Variants in PLEKHA5 observed in about 807,000 individuals in gnomAD.
PLEKHA5 encodes the protein pleckstrin homology domain containing A5.
Under a neutral mutation model 181.9 loss-of-function variants are expected in PLEKHA5, and 55 were observed. The observed-to-expected ratio is 0.30, with a 90% CI of 0.24 to 0.38. The LOEUF (loss-of-function observed/expected upper bound fraction) is 0.38. Among genes scored for constraint, PLEKHA5 ranks in the 10% least tolerant of loss-of-function variants. The pLI is 1.00. For synonymous variants in PLEKHA5, 535 were observed against 529.4 expected, an observed-to-expected ratio of 1.01 and a Z score of -0.15; for missense variants, 1,432 against 1,549.5, an observed-to-expected ratio of 0.92 and a Z score of 1.27.
intron 3 of PLEKHA5, among the ~76,000 whole-genome samples, chr12:19,251,150 A>T (rs2065161393): frequency 1.3e-5 from 2 of 152,114 alleles, no homozygotes; most frequent in Admixed American, 6.5e-5. Context: ...TCACAGTGTA[A>T]TCCCAGCACT....
intron 25 of PLEKHA5, 66 bp from the exon 26 acceptor site, chr12:19,353,818 A>T: frequency 1.3e-6 from 1 of 770,204 alleles, no homozygotes; most frequent in Non-Finnish European, 2.3e-6. Flanking sequence ...GAAATTAAGT[A>T]AGCTAAAAGA....
intron 3 of PLEKHA5, among the ~76,000 whole-genome samples, chr12:19,222,121 A>G (rs1396623454): frequency 6.6e-6 from 1 of 152,068 alleles, no homozygotes; most frequent in Admixed American, 6.6e-5. Flanking sequence ...ATGTGTGTGT[A>G]TGTATATATA....
chr12:19,132,773 CTTTTTTTTT>C (rs59992820), intron 3 of PLEKHA5, among the ~76,000 whole-genome samples: 2 of 112,124 alleles, frequency 1.8e-5, no homozygotes, highest in Admixed American at 1.1e-4. Flanking sequence ...CCACAATTAC[CTTTTTTTTT>C]TTTTTTTTTT....
intron 11 of PLEKHA5, among the ~76,000 whole-genome samples, chr12:19,279,157 A>G (rs968662779): frequency 1.3e-5 from 2 of 152,152 alleles, no homozygotes; most frequent in African/African-American, 2.4e-5. Context: ...CTAATTTTTA[A>G]TACCTTTTTA....
chr12:19,214,854 T>C (rs1051260700), intron 3 of PLEKHA5, among the ~76,000 whole-genome samples: 4 of 147,588 alleles, frequency 2.7e-5, no homozygotes, highest in Non-Finnish European at 4.5e-5. Context: ...CTGCCTTTCA[T>C]TTGAAAGCAG....
intron 15 of PLEKHA5, chr12:19,307,116 G>A (rs766859611): frequency 5.3e-5 from 48 of 905,952 alleles, no homozygotes; most frequent in Non-Finnish European, 8.0e-5. Context: ...TTGGTCCCAA[G>A]TTGAAGCATG....
At chr12:19,285,281 C>T (rs1380333805) in intron 12 of PLEKHA5, among the ~76,000 whole-genome samples, 8 of 152,180 alleles carry the variant, frequency 5.3e-5, no homozygotes, top group Non-Finnish European at 1.2e-4. Context: ...CTCTAAATTA[C>T]ATGCTCTCAT....
chr12:19,369,650 C>A, intron 30 of PLEKHA5, 43 bp from the exon 31 acceptor site: 1 of 1,252,260 alleles, frequency 8.0e-7, no homozygotes, highest in Non-Finnish European at 1.2e-6. Context: ...CCAAATGTGT[C>A]TTAAAGATTT....
At chr12:19,230,154 C>T (rs193241425) in intron 3 of PLEKHA5, among the ~76,000 whole-genome samples, 1 of 151,932 alleles carries the variant, frequency 6.6e-6, no homozygotes, top group East Asian at 1.9e-4. Context: ...CAGGTCCCCA[C>T]CAGATTAGCT....
At chr12:19,293,631 A>AGTT (rs1208371733) in intron 15 of PLEKHA5, among the ~76,000 whole-genome samples, 2 of 152,100 alleles carry the variant, frequency 1.3e-5, no homozygotes, top group Non-Finnish European at 2.9e-5. Context: ...ATGAATCTGA[A>AGTT]GTTACCCCAC....
chr12:19,230,031 C>T (rs550515584), intron 3 of PLEKHA5, among the ~76,000 whole-genome samples: 5 of 151,808 alleles, frequency 3.3e-5, no homozygotes, highest in East Asian at 3.9e-4. Context: ...TCTCCAAGTC[C>T]GCACCAGATT....
At chr12:19,374,630 G>A (rs1452287990) in intron 31 of PLEKHA5, among the ~76,000 whole-genome samples, 1 of 1,890 alleles carries the variant, frequency 5.3e-4, no homozygotes, top group Non-Finnish European at 1.5e-3. Context: ...CTGCACTCCA[G>A]CCTGGGCGAC....
In PLEKHA5 at chr12:19,144,263, A is replaced by G. The variant is rs949985137; in HGVS notation, c.227+11813A>G. Among the ~76,000 whole-genome samples, 13 of 152,294 alleles carry G rather than the reference A, an allele frequency of 8.5e-5. 1 individual carries two copies. The highest frequency in any genetic ancestry group is 3.4e-3 in the Middle Eastern group (1 of 294). ...CCCCAGAACTCAGTGGCTTAAAACG[A>G]TGATTTCTAATTTCTCACTTTTCTT... is the stretch of plus-strand genomic sequence containing the variant. On this transcript the variant is annotated intron_variant, in intron 3 of 31. Transcript: ENST00000429027.
chr12:19,206,910 G>A (rs2055675895), intron 3 of PLEKHA5, among the ~76,000 whole-genome samples: 1 of 152,090 alleles, frequency 6.6e-6, no homozygotes, highest in African/African-American at 2.4e-5. Context: ...TGGCAATAAA[G>A]TGGTTCATTT....
At chr12:19,288,570 C>T (rs893398050) in intron 13 of PLEKHA5, among the ~76,000 whole-genome samples, 2 of 152,180 alleles carry the variant, frequency 1.3e-5, no homozygotes, top group African/African-American at 4.8e-5. Flanking sequence ...TCTCTTCCTG[C>T]AGTAATCAAA....
chr12:19,345,198 G>T (rs956127234), intron 22 of PLEKHA5, among the ~76,000 whole-genome samples: 1 of 151,344 alleles, frequency 6.6e-6, no homozygotes, highest in African/African-American at 2.4e-5. Flanking sequence ...TCAGGAGTTC[G>T]AGACCAGGCT....
chr12:19,316,272 G>A (rs1301379924), intron 16 of PLEKHA5, among the ~76,000 whole-genome samples: 1 of 151,980 alleles, frequency 6.6e-6, no homozygotes, highest in Non-Finnish European at 1.5e-5. Context: ...ATGGTAGCCT[G>A]GATTTCAAAT....
intron 3 of PLEKHA5, among the ~76,000 whole-genome samples, chr12:19,158,332 G>A (rs2042239549): frequency 1.3e-5 from 2 of 151,798 alleles, no homozygotes; most frequent in Non-Finnish European, 2.9e-5. Context: ...CAGCCTGGGC[G>A]ACAGAGTGAG....
chr12:19,327,015 T>C (rs576471145), intron 20 of PLEKHA5, among the ~76,000 whole-genome samples: 2 of 152,226 alleles, frequency 1.3e-5, no homozygotes, highest in African/African-American at 4.8e-5. Flanking sequence ...TAAATAGTTC[T>C]GTGGTGAACA....
Sources: allele counts gnomAD v4.1 joint callset (sites outside exome capture counted in the v4.1 genomes callset), GRCh38; gene constraint gnomAD v4.1.1; transcripts MANE v1.5; gene names NCBI Gene and HGNC (gene_info 2026-07-23, HGNC 2026-07-21).